LOXHD1: variants seen among roughly 807,000 people sequenced by gnomAD.
LOXHD1 encodes the protein lipoxygenase homology PLAT domains 1, also known as lipoxygenase homology domain-containing protein 1.
LOXHD1 carries 205 observed loss-of-function variants against 248.2 expected under a neutral mutation model. That is an observed-to-expected ratio of 0.83 (90% CI 0.74 to 0.93). The LOEUF (loss-of-function observed/expected upper bound fraction) is 0.93, where lower values mean the gene tolerates loss of function less well. Among genes scored for constraint, LOXHD1 ranks in the 40% least tolerant of loss-of-function variants. The pLI, the probability that LOXHD1 is intolerant of heterozygous loss-of-function variation, is 0.00. For synonymous variants in LOXHD1, 1,113 were observed against 1,162.8 expected (o/e 0.96, Z 0.87); for missense variants, 2,930 against 2,971.6 (o/e 0.99, Z 0.33).
chr18:46,509,483 G>A, intron 35 of LOXHD1: 1 of 600,834 alleles, frequency 1.7e-6, no homozygotes, highest in East Asian at 3.0e-5. Context: ...TTAATTACCT[G>A]ACAGTTGCTT....
chr18:46,614,819 G>C (rs2038562474), intron 5 of LOXHD1, among the ~76,000 whole-genome samples: 1 of 151,380 alleles, frequency 6.6e-6, no homozygotes, highest in Non-Finnish European at 1.5e-5. Context: ...GCCTGATTTT[G>C]GTATCAAAAA....
intron 32 of LOXHD1, 87 bp downstream of exon 32, chr18:46,522,014 C>T (rs926713228): frequency 1.1e-6 from 1 of 927,706 alleles, no homozygotes; most frequent in African/African-American, 1.7e-5. Context: ...GTTCTTCCCA[C>T]CCTGCACTCT....
intron 21 of LOXHD1, among the ~76,000 whole-genome samples, chr18:46,553,257 A>C (rs11660155): frequency 0.99 from 151,216 of 152,336 alleles, 75,061 homozygotes; most frequent in Middle Eastern, 1. Context: ...TGGGATCAGG[A>C]AGGGTGCTGG....
At chr18:46,540,981 GA>G (rs2036536548) in intron 25 of LOXHD1, among the ~76,000 whole-genome samples, 1 of 152,150 alleles carries the variant, frequency 6.6e-6, no homozygotes, top group East Asian at 1.9e-4. Context: ...TTGTTTGGGG[GA>G]AATCTTGTGG....
intron 20 of LOXHD1, 42 bp from the exon 21 acceptor site, chr18:46,557,531 C>G: frequency 6.4e-7 from 1 of 1,550,854 alleles, no homozygotes; most frequent in Non-Finnish European, 8.7e-7. Context: ...AAGACCTACC[C>G]CTCCCCACAT....
Position 46,605,590 on chromosome 18 carries a change from G to T in LOXHD1, c.760-1361C>A, listed in dbSNP as rs544384147. ...TCTCTTGCATAAAATGCAACCAACT[G>T]GTATCAAAGACTCAGGCAATAGGAA... is the stretch of plus-strand genomic sequence containing the variant. On this transcript the variant is annotated intron_variant, in intron 6 of 40. Coordinates refer to ENST00000642948, the MANE Select transcript of LOXHD1 (RefSeq NM_001384474.1). 7.2e-5 allele frequency among the ~76,000 whole-genome samples: 11 copies of T among 152,194 alleles called. No homozygotes were observed. The South Asian group carries it at 2.3e-3, about 32-fold the overall frequency.
chr18:46,587,030 G>T (rs78180238), intron 12 of LOXHD1, among the ~76,000 whole-genome samples: 3 of 152,316 alleles, frequency 2.0e-5, no homozygotes, highest in East Asian at 3.9e-4. Flanking sequence ...CTTGAGCAAA[G>T]CTGGTATAGG....
At chr18:46,559,327 T>C in intron 20 of LOXHD1, 121 bp downstream of exon 20, 1 of 1,547,284 alleles carries the variant, frequency 6.5e-7, no homozygotes, top group Admixed American at 2.0e-5. Flanking sequence ...TGAAACCTGG[T>C]GGGATGAACA....
chr18:46,560,252 C>T lies in LOXHD1; in HGVS notation c.2892G>A (p.Ser964=), dbSNP rs561687256. Reference sequence around the variant, plus strand: ...CTTCTTCCATCTCCTCCTCCTCTGACGAGGACTCCTCTGATGAGGACGACT... The same window carrying T: ...CTTCTTCCATCTCCTCCTCCTCTGATGAGGACTCCTCTGATGAGGACGACT... ...EEESSSSEES[S]SEEEEMEEEE... is the part of the protein sequence containing the mutation. Residue 964 remains serine, a synonymous_variant, in exon 19 of 41, where the codon TCG becomes TCA. Transcript: ENST00000642948. 11 of 1,551,250 alleles carry T rather than the reference C, an allele frequency of 7.1e-6. No homozygotes were observed. The highest frequency in any genetic ancestry group is 3.9e-5 in the Admixed American group (2 of 50,988).
At chr18:46,604,038 G>A in intron 7 of LOXHD1, 68 bp downstream of exon 7, 1 of 1,540,568 alleles carries the variant, frequency 6.5e-7, no homozygotes, top group Non-Finnish European at 8.8e-7. Context: ...CAGCCCCACA[G>A]ATGCCAACAG....
At chr18:46,534,731 A>G (rs2036231897) in intron 26 of LOXHD1, among the ~76,000 whole-genome samples, 1 of 152,184 alleles carries the variant, frequency 6.6e-6, no homozygotes, top group African/African-American at 2.4e-5. Flanking sequence ...CCAGCTCCCC[A>G]TCTGCCACTG....
At chr18:46,541,444 C>G (rs2036553687) in intron 25 of LOXHD1, among the ~76,000 whole-genome samples, 1 of 152,210 alleles carries the variant, frequency 6.6e-6, no homozygotes, top group Non-Finnish European at 1.5e-5. Flanking sequence ...AGACCTTTAT[C>G]TTTCTTCCTT....
rs139618181 is a variant in LOXHD1, at chr18:46,502,623, C to G, written c.5878+3215G>C. Among the ~76,000 whole-genome samples, 1,028 of 152,274 alleles carry G rather than the reference C, an allele frequency of 6.8e-3. 20 individuals are homozygous for G. Among genetic ancestry groups the G allele is most frequent in the African/African-American group, 0.024 (983 of 41,548 alleles). On this transcript the variant is annotated intron_variant, in intron 37 of 40. Transcript: ENST00000642948. ...AGAGAAGCCAGAGAAGGAGTCAGAA[C>G]CACGGACAGCTCCTCTTGCCCCTGC...
chr18:46,621,517 A>C (rs1216203835), intron 4 of LOXHD1, among the ~76,000 whole-genome samples: 1 of 152,220 alleles, frequency 6.6e-6, no homozygotes, highest in African/African-American at 2.4e-5. Context: ...GGCAAACGTC[A>C]GCTCAGGGCA....
intron 31 of LOXHD1, 44 bp from the exon 32 acceptor site, chr18:46,522,353 A>T (rs1306049491): frequency 6.8e-7 from 1 of 1,479,994 alleles, no homozygotes; most frequent in East Asian, 2.5e-5. Context: ...GACCAGATAG[A>T]CAAGGCACTG....
At chr18:46,520,146 T>C (rs571406833) in intron 33 of LOXHD1, among the ~76,000 whole-genome samples, 6 of 152,232 alleles carry the variant, frequency 3.9e-5, no homozygotes, top group African/African-American at 9.6e-5. Context: ...ATGTGCGCTA[T>C]AGAAAGTGCT....
intron 3 of LOXHD1, among the ~76,000 whole-genome samples, chr18:46,640,509 T>C (rs1048341801): frequency 6.6e-6 from 1 of 152,196 alleles, no homozygotes; most frequent in Admixed American, 6.5e-5. Flanking sequence ...ATTTAAAAGT[T>C]TCCTAATAGC....
chr18:46,569,163 G>T (rs1274680214), intron 16 of LOXHD1, among the ~76,000 whole-genome samples: 1 of 152,142 alleles, frequency 6.6e-6, no homozygotes, highest in Non-Finnish European at 1.5e-5. Flanking sequence ...ATAAAATGTT[G>T]AGGCAATGCC....
intron 37 of LOXHD1, among the ~76,000 whole-genome samples, chr18:46,504,263 A>C (rs763415832): frequency 2.6e-4 from 40 of 151,956 alleles, no homozygotes; most frequent in Non-Finnish European, 5.7e-4. Context: ...AAGCCACCAC[A>C]CTTGGCTAAT....
Sources: gnomAD v4.1 joint callset for allele counts (sites outside exome capture counted in the v4.1 genomes callset) on GRCh38, gnomAD v4.1.1 for gene constraint, MANE v1.5 for transcripts, NCBI Gene and HGNC (gene_info 2026-07-23, HGNC 2026-07-21) for gene names.